STRN: variants seen among roughly 807,000 people sequenced by gnomAD.
The protein encoded by STRN is striatin.
Under a neutral mutation model 96.3 loss-of-function variants are expected in STRN, and 53 were observed. The ratio of observed to expected loss-of-function variants is 0.55; its 90% CI spans 0.44 to 0.69. STRN has a LOEUF of 0.69. Ranked by LOEUF, STRN falls within the 30% of genes least tolerant of loss-of-function variation. The probability of loss-of-function intolerance (pLI) is 0.00; values close to 1 mark genes in which losing one functional copy is unlikely to be tolerated. For synonymous variants in STRN, 428 were observed against 355.9 expected (o/e 1.20, Z -2.28); for missense variants, 987 against 963.9 (o/e 1.02, Z -0.32).
chr2:36,934,252 C>G (rs903526282), intron 1 of STRN, among the ~76,000 whole-genome samples: 8 of 152,152 alleles, frequency 5.3e-5, no homozygotes, highest in African/African-American at 1.9e-4. Context: ...CATCAAAAAT[C>G]AGTGAACTAA....
In STRN at chr2:36,848,248, G is replaced by A. The variant is rs541671695; in HGVS notation, c.*1208C>T. 6.6e-6 allele frequency: 1 copy of A among 152,326 alleles called. No individual in the cohort carries two copies. The highest frequency in any genetic ancestry group is 2.1e-4 in the South Asian group (1 of 4,828). 9.4% of individuals were successfully genotyped at this position (152,326 alleles called of 1,614,324 possible). A position where few individuals can be genotyped will look rare whatever the true frequency, so the allele number is the denominator to read the frequency against. ...GGAGGAATAGGGAGAGAGAAAGACA[G>A]AACTTTTTAGCCAATATTTGGCATT... is the stretch of plus-strand genomic sequence containing the variant. On this transcript the variant is annotated 3_prime_UTR_variant, in exon 18 of 18. Coordinates refer to ENST00000263918, the MANE Select transcript of STRN (RefSeq NM_003162.4).
rs770788503 is a variant in STRN at position 36,842,626 on chromosome 2, C to T, written c.*6830G>A. ...ATAATGACTTCCAATCTAACTGAAA[C>T]TACCATTACCTTTAGTGAAATATCA... On this transcript the variant is annotated 3_prime_UTR_variant, in exon 18 of 18. Transcript: ENST00000263918. 6.6e-6 allele frequency: 1 copy of T among 152,146 alleles called. No individual in the cohort carries two copies. Among genetic ancestry groups the T allele is most frequent in the Non-Finnish European group, 1.5e-5 (1 of 68,022 alleles). 9.4% of individuals were successfully genotyped at this position (152,146 alleles called of 1,614,324 possible). A position where few individuals can be genotyped will look rare whatever the true frequency, so the allele number is the denominator to read the frequency against.
chr2:36,945,916 T>C (rs1371482735), intron 1 of STRN, among the ~76,000 whole-genome samples: 2 of 152,328 alleles, frequency 1.3e-5, no homozygotes, highest in Middle Eastern at 3.4e-3. Flanking sequence ...CAATGATAAA[T>C]ACTACACTTA....
intron 1 of STRN, among the ~76,000 whole-genome samples, chr2:36,964,148 A>G (rs1294426687): frequency 7.5e-6 from 1 of 133,358 alleles, no homozygotes; most frequent in Non-Finnish European, 1.5e-5. Context: ...AGTAAATTGA[A>G]AAGTTTAAAC....
In STRN at chr2:36,902,666, C is replaced by T; in HGVS notation, c.577G>A (p.Val193Ile). The change falls in exon 5 of 18, where the codon GTC becomes ATC. Residue 193 changes from valine (V) to isoleucine (I), a missense_variant. By Grantham distance (29) the Val-to-Ile change is conservative. Coordinates refer to ENST00000263918, the MANE Select transcript of STRN (RefSeq NM_003162.4). ...TTTTTGTCATCTTCCCTGTCCGTGA[C>T]ATCACTTGAAAAGCCCAACAAAGCT... ...VRALLGFSSD[V>I]TDREDDKNQD... 2 of 1,612,372 alleles carry T rather than the reference C, an allele frequency of 1.2e-6. No individual in the cohort carries two copies.
At chr2:36,944,416 C>T (rs1180989433) in intron 1 of STRN, among the ~76,000 whole-genome samples, 2 of 151,998 alleles carry the variant, frequency 1.3e-5, no homozygotes, top group Admixed American at 6.6e-5. Context: ...GAAGTTTTTG[C>T]GCACACAAAC....
chr2:36,950,327 T>A (rs1171478124), intron 1 of STRN, among the ~76,000 whole-genome samples: 1 of 148,712 alleles, frequency 6.7e-6, no homozygotes. Flanking sequence ...GTGATTCTCC[T>A]GCCTCAGCCT....
intron 2 of STRN, among the ~76,000 whole-genome samples, chr2:36,919,662 T>C (rs1365700705): frequency 6.6e-6 from 1 of 152,202 alleles, no homozygotes; most frequent in African/African-American, 2.4e-5. Context: ...CATATTTGTG[T>C]TTTAGAAAAT....
At chr2:36,922,023 C>A (rs1045096390) in intron 2 of STRN, among the ~76,000 whole-genome samples, 5 of 151,970 alleles carry the variant, frequency 3.3e-5, no homozygotes, top group Admixed American at 6.6e-5. Flanking sequence ...ATACTATAAT[C>A]ATATAAGGAA....
In STRN at chr2:36,840,086, C is replaced by G. The variant is rs1028552036; in HGVS notation, c.*9370G>C. 1.3e-5 allele frequency: 2 copies of G among 152,204 alleles called. No homozygotes were observed. The highest frequency in any genetic ancestry group is 2.9e-5 in the Non-Finnish European group (2 of 68,052). The allele number at this position is 152,204 out of a possible 1,614,324, so 9.4% of individuals were successfully genotyped here. On this transcript the variant is annotated 3_prime_UTR_variant, in exon 18 of 18. Transcript: ENST00000263918. ...CCAAAGAAAGCTCCCCAGAGGGATG[C>G]CTTTCCTGACAAGATTCCACTGGGA...
intron 6 of STRN, among the ~76,000 whole-genome samples, chr2:36,894,301 A>G (rs1193746374): frequency 1.3e-5 from 2 of 152,252 alleles, no homozygotes; most frequent in Non-Finnish European, 2.9e-5. Flanking sequence ...CTGAAATGAC[A>G]GATATACGAT....
At chr2:36,889,673 G>A (rs925726451) in intron 7 of STRN, among the ~76,000 whole-genome samples, 6 of 151,780 alleles carry the variant, frequency 4.0e-5, no homozygotes, top group Non-Finnish European at 8.8e-5. Context: ...CCTTAAAATC[G>A]TTTAAATGTT....
chr2:36,946,578 C>T (rs74342135), intron 1 of STRN, among the ~76,000 whole-genome samples: 4,470 of 152,214 alleles, frequency 0.029, 100 homozygotes, highest in East Asian at 0.13. Context: ...TGTGTGTATA[C>T]AGAAAATGTG....
Position 36,881,118 on chromosome 2 carries a change from CTTTT to C in STRN, c.1186+2810_1186+2813del, listed in dbSNP as rs3081783. ...TGCCTTTTAAATGTGACACTGCCTTCTTTTTTTTTTTTTTTTTTTTTTTTTTTAA... is the reference window on the plus strand; with the variant it reads ...TGCCTTTTAAATGTGACACTGCCTTCTTTTTTTTTTTTTTTTTTTTTTTAA... On this transcript the variant is annotated intron_variant, in intron 9 of 17. Coordinates refer to ENST00000263918, the MANE Select transcript of STRN (RefSeq NM_003162.4). 1.6e-3 allele frequency among the ~76,000 whole-genome samples: 124 copies of C among 78,998 alleles called. No homozygotes were observed. In the East Asian group the frequency reaches 0.029, roughly 18 times the overall value. 51.8% of individuals were successfully genotyped at this position (78,998 alleles called of 152,430 possible).
intron 1 of STRN, among the ~76,000 whole-genome samples, chr2:36,949,371 C>T (rs547973645): frequency 3.3e-5 from 5 of 152,144 alleles, no homozygotes; most frequent in South Asian, 4.2e-4. Context: ...ACAGTCTAAT[C>T]GTGCAGAGAT....
At chr2:36,927,533 G>GC (rs900935512) in intron 1 of STRN, among the ~76,000 whole-genome samples, 7 of 144,314 alleles carry the variant, frequency 4.9e-5, no homozygotes, top group African/African-American at 1.5e-4. Context: ...AAGGGGGGGG[G>GC]GGGTGGTAAT....
intron 10 of STRN, among the ~76,000 whole-genome samples, chr2:36,870,507 G>C (rs1316228470): frequency 1.3e-5 from 2 of 152,122 alleles, no homozygotes; most frequent in African/African-American, 4.8e-5. Flanking sequence ...CATATATGAT[G>C]CTGGTCCCAT....
At chr2:36,930,759 GCAGTGGCTCAGGCCTGTAATCCTAGCA>G (rs1354729372) in intron 1 of STRN, among the ~76,000 whole-genome samples, 3 of 152,110 alleles carry the variant, frequency 2.0e-5, no homozygotes, top group Admixed American at 6.6e-5. Context: ...GAGGCCGGGC[GCAGTGGCTCAGGCCTGTAATCCTAGCA>G]CTTTGGGAGG....
At chr2:36,865,699 T>A (rs1668604163) in intron 12 of STRN, among the ~76,000 whole-genome samples, 2 of 151,980 alleles carry the variant, frequency 1.3e-5, no homozygotes, top group South Asian at 4.1e-4. Flanking sequence ...GTAGCTGGGA[T>A]TACAGGTGCA....
Sources: allele counts gnomAD v4.1 joint callset (sites outside exome capture counted in the v4.1 genomes callset), GRCh38; gene constraint gnomAD v4.1.1; transcripts MANE v1.5; gene names NCBI Gene and HGNC (gene_info 2026-07-23, HGNC 2026-07-21).